PDE1A: variants seen among roughly 807,000 people sequenced by gnomAD.
PDE1A encodes the protein dual specificity calcium/calmodulin-dependent 3',5'-cyclic nucleotide phosphodiesterase 1A.
In PDE1A, 35 loss-of-function variants were observed where a neutral mutation model predicts 61.7. The ratio of observed to expected loss-of-function variants is 0.57; its 90% CI spans 0.43 to 0.75. PDE1A has a LOEUF of 0.75. PDE1A is among the 30% of genes least tolerant of loss of function. The probability of loss-of-function intolerance (pLI) is 0.00; values close to 1 mark genes in which losing one functional copy is unlikely to be tolerated. For synonymous variants in PDE1A, 232 were observed against 213.2 expected (o/e 1.09, Z -0.77); for missense variants, 597 against 630.6 (o/e 0.95, Z 0.57).
chr2:182,475,921 A>G (rs1030015405), intron 2 of PDE1A, among the ~76,000 whole-genome samples: 3 of 151,974 alleles, frequency 2.0e-5, no homozygotes, highest in African/African-American at 7.2e-5. Context: ...AAGATAACAC[A>G]GAAAAAGTTT....
At chr2:182,554,935 A>G in the PDE1A span, among the ~76,000 whole-genome samples, 1 of 152,202 alleles carries the variant, frequency 6.6e-6, no homozygotes, top group South Asian at 2.1e-4. Flanking sequence ...AATCTCATCG[A>G]TATCTTCTCA....
intron 1 of PDE1A, among the ~76,000 whole-genome samples, chr2:182,298,397 C>G (rs1185305226): frequency 6.6e-6 from 1 of 152,022 alleles, no homozygotes; most frequent in East Asian, 1.9e-4. Flanking sequence ...TAATATGTTG[C>G]CTTATTGTGA....
At chr2:182,447,559 G>A (rs1685226183) in intron 2 of PDE1A, among the ~76,000 whole-genome samples, 1 of 151,994 alleles carries the variant, frequency 6.6e-6, no homozygotes, top group African/African-American at 2.4e-5. Flanking sequence ...GCTATTGTAG[G>A]CCTGGAGACT....
intron 3 of PDE1A, among the ~76,000 whole-genome samples, chr2:182,237,894 T>C (rs1336850077): frequency 6.6e-6 from 1 of 152,096 alleles, no homozygotes; most frequent in East Asian, 1.9e-4. Context: ...AAGGTTGCAG[T>C]AGATGAGGCT....
At chr2:182,442,730 T>C (rs1026446421) in intron 2 of PDE1A, among the ~76,000 whole-genome samples, 2 of 152,022 alleles carry the variant, frequency 1.3e-5, no homozygotes, top group Non-Finnish European at 2.9e-5. Flanking sequence ...AATTTGAAAA[T>C]TTTTTTAAAA....
intron 1 of PDE1A, among the ~76,000 whole-genome samples, chr2:182,295,569 A>G (rs571582732): frequency 6.6e-6 from 1 of 152,294 alleles, no homozygotes; most frequent in East Asian, 1.9e-4. Context: ...CCTGAATGGT[A>G]TCTACGGATT....
chr2:182,220,883 A>AG (rs141476627), intron 7 of PDE1A, among the ~76,000 whole-genome samples: 4,420 of 152,136 alleles, frequency 0.029, 215 homozygotes, highest in African/African-American at 0.1. Flanking sequence ...CAATATTGAG[A>AG]GTTAAAAATC....
intron 2 of PDE1A, among the ~76,000 whole-genome samples, chr2:182,254,707 T>A (rs1466612812): frequency 6.6e-6 from 1 of 152,136 alleles, no homozygotes; most frequent in Non-Finnish European, 1.5e-5. Flanking sequence ...AGAAAGGAGT[T>A]GCTGAACTGC....
chr2:182,224,482 C>T (rs1688981751), intron 6 of PDE1A, among the ~76,000 whole-genome samples: 1 of 151,812 alleles, frequency 6.6e-6, no homozygotes, highest in African/African-American at 2.4e-5. Context: ...ACAAATTTTT[C>T]TATTCATAAC....
the PDE1A span, among the ~76,000 whole-genome samples, chr2:182,541,388 T>C: frequency 6.6e-6 from 1 of 152,198 alleles, no homozygotes; most frequent in African/African-American, 2.4e-5. Flanking sequence ...TAAGCTTAGA[T>C]CTATTCCCAG....
intron 13 of PDE1A, among the ~76,000 whole-genome samples, chr2:182,168,780 C>A (rs999794967): frequency 6.6e-6 from 1 of 151,950 alleles, no homozygotes; most frequent in South Asian, 2.1e-4. Context: ...ATCATGTTTC[C>A]TTTTCCTTTA....
chr2:182,631,284 CT>C, the PDE1A span, among the ~76,000 whole-genome samples: 75,598 of 149,900 alleles, frequency 0.5, 19,749 homozygotes, highest in Admixed American at 0.63. Context: ...CCTTTGCCTT[CT>C]TTTTTTTTTA....
At chr2:182,697,822 T>C in the PDE1A span, among the ~76,000 whole-genome samples, 2 of 152,224 alleles carry the variant, frequency 1.3e-5, no homozygotes, top group African/African-American at 2.4e-5. Flanking sequence ...CACTGGGCGC[T>C]GTATGACTCC....
At chr2:182,379,911 T>C (rs966632947) in intron 1 of PDE1A, among the ~76,000 whole-genome samples, 4 of 152,158 alleles carry the variant, frequency 2.6e-5, no homozygotes, top group African/African-American at 9.7e-5. Flanking sequence ...AATTCTGGAC[T>C]ACCATCCTGA....
At chr2:182,343,363 C>T (rs1310821326) in intron 1 of PDE1A, among the ~76,000 whole-genome samples, 1 of 152,122 alleles carries the variant, frequency 6.6e-6, no homozygotes, top group Non-Finnish European at 1.5e-5. Flanking sequence ...CAGCACTATA[C>T]CAACTAACCA....
intron 2 of PDE1A, among the ~76,000 whole-genome samples, chr2:182,497,619 T>G (rs1356887070): frequency 6.6e-6 from 1 of 152,116 alleles, no homozygotes; most frequent in Non-Finnish European, 1.5e-5. Flanking sequence ...CATTCCGTTC[T>G]AGAACAGACA....
intron 2 of PDE1A, among the ~76,000 whole-genome samples, chr2:182,253,731 GA>G: frequency 2.0e-5 from 3 of 152,102 alleles, no homozygotes; most frequent in African/African-American, 2.4e-5. Context: ...AATAATTAGG[GA>G]AAAAATGGGC....
Position 182,448,802 on chromosome 2 carries a change from T to C in PDE1A, c.101+73474A>G, listed in dbSNP as rs144601128. Among the ~76,000 whole-genome samples, 835 of 152,050 alleles carry C rather than the reference T, an allele frequency of 5.5e-3. 1 individual carries two copies. The highest frequency in any genetic ancestry group is 9.9e-3 in the Non-Finnish European group (674 of 67,942). Reference sequence around the variant, plus strand: ...GTTGTCTTAATCTACTGTGATTCCGTTTTTAGCAGATACAAACATAAGTTA... The same window carrying C: ...GTTGTCTTAATCTACTGTGATTCCGCTTTTAGCAGATACAAACATAAGTTA... On this transcript the variant is annotated intron_variant, in intron 2 of 14. Coordinates refer to the PDE1A transcript ENST00000410103.
chr2:182,279,155 A>C (rs963843569), intron 1 of PDE1A, among the ~76,000 whole-genome samples: 1 of 151,982 alleles, frequency 6.6e-6, no homozygotes, highest in African/African-American at 2.4e-5. Flanking sequence ...TTTTTAGTTT[A>C]GTTTTTCATC....
Sources: gnomAD v4.1 joint callset for allele counts (sites outside exome capture counted in the v4.1 genomes callset) on GRCh38, gnomAD v4.1.1 for gene constraint, MANE v1.5 for transcripts, NCBI Gene and HGNC (gene_info 2026-07-23, HGNC 2026-07-21) for gene names.